The following PXDNL variants were observed in gnomAD, a reference collection of about 807,000 sequenced individuals.
PXDNL encodes probable oxidoreductase PXDNL.
Under a neutral mutation model 150.8 loss-of-function variants are expected in PXDNL, and 145 were observed. That is an observed-to-expected ratio of 0.96 (90% confidence interval 0.84 to 1.10). The LOEUF is 1.10. Ranked by LOEUF, PXDNL falls within the 50% of genes least tolerant of loss-of-function variation. The pLI is 0.00. For synonymous variants in PXDNL, 757 were observed against 725.7 expected, an observed-to-expected ratio of 1.04 and a Z score of -0.69; for missense variants, 2,087 against 1,873.9, an observed-to-expected ratio of 1.11 and a Z score of -2.10.
At chr8:51,535,783 C>T (rs7017209) in intron 4 of PXDNL, among the ~76,000 whole-genome samples, 7 of 151,898 alleles carry the variant, frequency 4.6e-5, no homozygotes, top group Non-Finnish European at 8.8e-5. Context: ...CTCTTTTCTT[C>T]TTTCTTTTTC....
intron 21 of PXDNL, among the ~76,000 whole-genome samples, chr8:51,323,596 G>A (rs541281977): frequency 6.6e-6 from 1 of 152,166 alleles, no homozygotes; most frequent in African/African-American, 2.4e-5. Flanking sequence ...GCTCTAAGAA[G>A]GGAAATAAAT....
At chr8:51,580,569 A>G (rs888000805) in intron 3 of PXDNL, among the ~76,000 whole-genome samples, 1 of 152,178 alleles carries the variant, frequency 6.6e-6, no homozygotes. Flanking sequence ...AGACTTTTGA[A>G]TATCATGTTC....
intron 2 of PXDNL, among the ~76,000 whole-genome samples, chr8:51,594,342 T>C (rs1585605666): frequency 6.6e-6 from 1 of 152,244 alleles, no homozygotes; most frequent in East Asian, 1.9e-4. Context: ...CCAACGGTGG[T>C]GCCTAGGAGA....
At chr8:51,606,372 G>A (rs1481055007) in intron 2 of PXDNL, among the ~76,000 whole-genome samples, 1 of 152,136 alleles carries the variant, frequency 6.6e-6, no homozygotes, top group African/African-American at 2.4e-5. Context: ...CGCCAGCAGT[G>A]GATCCTTCAT....
chr8:51,417,633 G>T lies in PXDNL; in HGVS notation c.1796-4375C>A, dbSNP rs1057132184. Among the ~76,000 whole-genome samples the T allele has an allele frequency of 3.9e-5, 6 of 152,158 alleles. No homozygotes were observed. The East Asian group carries it at 1.2e-3, about 29-fold the overall frequency. On this transcript the variant is annotated intron_variant, in intron 14 of 22. Transcript: ENST00000356297. The stretch of plus-strand genomic sequence containing the variant: ...TTATCCTCCCCCTTTTTCCCCCTGG[G>T]GAAGAAAATTAGCAGATAATGTAAC...
intron 1 of PXDNL, among the ~76,000 whole-genome samples, chr8:51,710,606 T>C (rs10107393): frequency 0.01 from 1,590 of 152,308 alleles, 24 homozygotes; most frequent in African/African-American, 0.032. Flanking sequence ...CCACCTCCCT[T>C]AGGCCTTGGT....
intron 1 of PXDNL, among the ~76,000 whole-genome samples, chr8:51,734,737 G>A (rs1450650655): frequency 6.6e-6 from 1 of 152,112 alleles, no homozygotes; most frequent in African/African-American, 2.4e-5. Context: ...AACCTCCAAG[G>A]AAAATTAAAA....
chr8:51,435,667 C>T (rs992090017), intron 12 of PXDNL: 3 of 221,956 alleles, frequency 1.4e-5, no homozygotes, highest in African/African-American at 4.8e-5. Flanking sequence ...CAGAAAGAAG[C>T]GAAAAAGAGG....
rs1807243920 is a variant in PXDNL, at chr8:51,374,674, C to A, written c.3615G>T (p.Leu1205=). The change falls in exon 18 of 23, where the codon CTG becomes CTT. Residue 1205 remains leucine, a synonymous_variant. Coordinates refer to ENST00000356297, the MANE Select transcript of PXDNL (RefSeq NM_144651.5). ...DLWPALMVED[L]IPGTRVGPTL... is the part of the protein sequence containing the mutation. ...TTGGTCCCACTCTTGTACCAGGAATCAGGTCTTCAACCATAAGGGCGGGCC... is the reference window on the plus strand; with the variant it reads ...TTGGTCCCACTCTTGTACCAGGAATAAGGTCTTCAACCATAAGGGCGGGCC... 6.2e-7 allele frequency: 1 copy of A among 1,613,790 alleles called. No homozygotes were observed. The highest frequency in any genetic ancestry group is 8.5e-7 in the Non-Finnish European group (1 of 1,179,870).
chr8:51,638,108 T>G (rs1270557303), intron 2 of PXDNL, among the ~76,000 whole-genome samples: 1 of 152,166 alleles, frequency 6.6e-6, no homozygotes, highest in East Asian at 1.9e-4. Flanking sequence ...ACTAGCTTCA[T>G]AACTGAAGGA....
chr8:51,404,897 G>T (rs1808392178), intron 17 of PXDNL, among the ~76,000 whole-genome samples: 1 of 152,196 alleles, frequency 6.6e-6, no homozygotes, highest in African/African-American at 2.4e-5. Flanking sequence ...GGGAGGCTCG[G>T]GCTGCACAGG....
At chr8:51,538,322 T>C (rs1398966752) in intron 4 of PXDNL, among the ~76,000 whole-genome samples, 1 of 152,196 alleles carries the variant, frequency 6.6e-6, no homozygotes, top group Admixed American at 6.5e-5. Context: ...ACATTTATAG[T>C]GTGTTTGGTG....
chr8:51,379,431 A>C (rs1807463620), intron 17 of PXDNL, among the ~76,000 whole-genome samples: 1 of 152,140 alleles, frequency 6.6e-6, no homozygotes. Flanking sequence ...TTCCTAATTA[A>C]TTATACAATT....
chr8:51,526,683 T>C (rs1262564275), intron 4 of PXDNL, among the ~76,000 whole-genome samples: 2 of 152,184 alleles, frequency 1.3e-5, no homozygotes, highest in Non-Finnish European at 2.9e-5. Flanking sequence ...TTTCCTAACA[T>C]GTGATGTGAT....
intron 17 of PXDNL, among the ~76,000 whole-genome samples, chr8:51,397,789 T>C (rs1035947962): frequency 1.3e-5 from 2 of 151,956 alleles, no homozygotes; most frequent in South Asian, 2.1e-4. Context: ...AGTTCTAGGG[T>C]ACATGTGCAC....
intron 12 of PXDNL, among the ~76,000 whole-genome samples, chr8:51,430,577 C>T (rs2129795127): frequency 6.6e-6 from 1 of 152,298 alleles, no homozygotes; most frequent in Middle Eastern, 3.4e-3. Context: ...GAAACTTTTG[C>T]TACAGAACTT....
rs1811144270 is a variant in PXDNL, at chr8:51,499,782, A to G, written c.381-12T>C. ...TGAAATGAATATACCTGGAAGGCAA[A>G]AAATCAAGTTGGTTACTCCTTGTGC... On this transcript the variant is annotated splice_polypyrimidine_tract_variant and intron_variant, in intron 4 of 22. Transcript: ENST00000356297. 6.3e-7 allele frequency: 1 copy of G among 1,598,492 alleles called. No individual in the cohort carries two copies. The highest frequency in any genetic ancestry group is 1.3e-5 in the African/African-American group (1 of 74,748).
intron 16 of PXDNL, among the ~76,000 whole-genome samples, chr8:51,410,561 C>A (rs1354484769): frequency 6.6e-6 from 1 of 152,094 alleles, no homozygotes; most frequent in African/African-American, 2.4e-5. Flanking sequence ...GCCTTCTGCA[C>A]CACGTCTCGG....
intron 1 of PXDNL, among the ~76,000 whole-genome samples, chr8:51,723,675 C>G (rs1816772054): frequency 6.6e-6 from 1 of 152,184 alleles, no homozygotes; most frequent in Non-Finnish European, 1.5e-5. Context: ...AGTGAGCCAC[C>G]TGCCGAAGGT....
Sources: gnomAD v4.1 joint callset for allele counts (sites outside exome capture counted in the v4.1 genomes callset) on GRCh38, gnomAD v4.1.1 for gene constraint, MANE v1.5 for transcripts, NCBI Gene and HGNC (gene_info 2026-07-23, HGNC 2026-07-21) for gene names.